The following LRP6 variants were observed in gnomAD, a reference collection of about 807,000 sequenced individuals.
The protein encoded by LRP6 is low-density lipoprotein receptor-related protein 6.
A neutral mutation model predicts 184.1 loss-of-function variants in LRP6; 43 were observed. The ratio of observed to expected loss-of-function variants is 0.23; its 90% CI spans 0.18 to 0.30. The LOEUF (loss-of-function observed/expected upper bound fraction) is 0.30. Among genes scored for constraint, LRP6 ranks in the 10% least tolerant of loss-of-function variants. The probability of loss-of-function intolerance (pLI) is 1.00; values close to 1 mark genes in which losing one functional copy is unlikely to be tolerated. For missense variants in LRP6, 1,571 were observed against 2,005.3 expected, an observed-to-expected ratio of 0.78 and a Z score of 4.14; for synonymous variants, 719 against 684.9, an observed-to-expected ratio of 1.05 and a Z score of -0.78.
At chr12:12,146,097 G>A (rs893027049) in intron 15 of LRP6, among the ~76,000 whole-genome samples, 1 of 152,038 alleles carries the variant, frequency 6.6e-6, no homozygotes, top group African/African-American at 2.4e-5. Flanking sequence ...TTATTCTTTT[G>A]AATGACTGTA....
chr12:12,194,274 A>G (rs1209359306), intron 3 of LRP6, among the ~76,000 whole-genome samples: 1 of 152,044 alleles, frequency 6.6e-6, no homozygotes, highest in Non-Finnish European at 1.5e-5. Context: ...TAAAAAATAA[A>G]GCCAATACAG....
At chr12:12,225,013 T>C (rs1426647992) in intron 2 of LRP6, among the ~76,000 whole-genome samples, 1 of 152,060 alleles carries the variant, frequency 6.6e-6, no homozygotes, top group African/African-American at 2.4e-5. Flanking sequence ...TAGACCAGCC[T>C]GACCAACATG....
intron 20 of LRP6, 54 bp downstream of exon 20, chr12:12,126,637 T>C (rs565790083): frequency 7.5e-7 from 1 of 1,337,642 alleles, no homozygotes; most frequent in East Asian, 2.3e-5. Context: ...CAATGGAAAC[T>C]GGCAGTCTTG....
intron 7 of LRP6, among the ~76,000 whole-genome samples, chr12:12,170,903 A>T (rs1169042906): frequency 1.3e-5 from 2 of 152,068 alleles, no homozygotes; most frequent in African/African-American, 4.8e-5. Flanking sequence ...ACACTAGCTA[A>T]GAGGTTAGTT....
At chr12:12,231,585 A>G (rs1864789638) in intron 2 of LRP6, among the ~76,000 whole-genome samples, 1 of 152,094 alleles carries the variant, frequency 6.6e-6, no homozygotes, top group Non-Finnish European at 1.5e-5. Context: ...TAAGGCAATG[A>G]TAACATTTGA....
chr12:12,189,186 C>T (rs899230028), intron 3 of LRP6, among the ~76,000 whole-genome samples: 1 of 152,140 alleles, frequency 6.6e-6, no homozygotes, highest in African/African-American at 2.4e-5. Context: ...CAGAGGTGAG[C>T]TTAAATCCCC....
chr12:12,140,396 G>A (rs541312938), intron 15 of LRP6, among the ~76,000 whole-genome samples: 1 of 151,944 alleles, frequency 6.6e-6, no homozygotes, highest in South Asian at 2.1e-4. Flanking sequence ...TAATAGGTGA[G>A]AAAAATACAG....
chr12:12,136,874 TTAAA>T (rs974253549), intron 16 of LRP6, among the ~76,000 whole-genome samples: 4 of 152,198 alleles, frequency 2.6e-5, no homozygotes, highest in South Asian at 2.1e-4. Flanking sequence ...ACAATCATAT[TTAAA>T]TAGTTATTAA....
Position 12,160,004 on chromosome 12 carries a change from T to C in LRP6, c.2280-40A>G, listed in dbSNP as rs150723483. 5.8e-4 allele frequency: 825 copies of C among 1,434,290 alleles called. 5 individuals carry two copies. In the African/African-American group the frequency reaches 9.2e-3, roughly 16 times the overall value. 88.8% of individuals were successfully genotyped at this position (1,434,290 alleles called of 1,614,324 possible). A position where few individuals can be genotyped will look rare whatever the true frequency, so the allele number is the denominator to read the frequency against. ...ATAAATATTTAACATTTCAATTTTT[T>C]ATTATCTGGGGGAAAGAGTCATATT... On this transcript the variant is annotated intron_variant, in intron 10 of 22. Coordinates refer to ENST00000261349, the MANE Select transcript of LRP6 (RefSeq NM_002336.3).
intron 1 of LRP6, among the ~76,000 whole-genome samples, chr12:12,246,793 G>C (rs1237144938): frequency 6.6e-6 from 1 of 152,022 alleles, no homozygotes; most frequent in Non-Finnish European, 1.5e-5. Flanking sequence ...TAGAAGTAAC[G>C]ATTCCCCTTT....
At chr12:12,203,089 C>T in intron 3 of LRP6, 114 bp downstream of exon 3, 1 of 691,792 alleles carries the variant, frequency 1.4e-6, no homozygotes, top group South Asian at 2.1e-5. Flanking sequence ...TATTCTTCTT[C>T]CCCTCTGGCA....
chr12:12,126,943 G>A (rs1259321833), intron 19 of LRP6, 22 bp from the exon 20 acceptor site: 2 of 1,581,574 alleles, frequency 1.3e-6, no homozygotes, highest in African/African-American at 1.3e-5. Flanking sequence ...AATGCAGTAT[G>A]GTTATTTAAT....
chr12:12,255,277 C>T (rs1015335846), intron 1 of LRP6, among the ~76,000 whole-genome samples: 3 of 151,854 alleles, frequency 2.0e-5, no homozygotes, highest in Admixed American at 1.3e-4. Flanking sequence ...AACTTCTTCC[C>T]TCATTCTGAC....
chr12:12,216,331 T>C (rs370038639), intron 2 of LRP6, among the ~76,000 whole-genome samples: 3 of 152,296 alleles, frequency 2.0e-5, no homozygotes, highest in South Asian at 2.1e-4. Context: ...TAATGCAACA[T>C]TGTTTTATAA....
intron 15 of LRP6, among the ~76,000 whole-genome samples, chr12:12,141,235 G>A (rs1247457833): frequency 6.6e-6 from 1 of 151,792 alleles, no homozygotes; most frequent in Non-Finnish European, 1.5e-5. Context: ...AAGGAAAGAA[G>A]GGAGGAATCA....
Position 12,181,185 on chromosome 12 carries a change from C to T in LRP6, c.1231G>A (p.Asp411Asn), listed in dbSNP as rs1863335588. 6.2e-7 allele frequency: 1 copy of T among 1,614,152 alleles called. No homozygotes were observed. Among genetic ancestry groups the T allele is most frequent in the Non-Finnish European group, 8.5e-7 (1 of 1,180,000 alleles). The stretch of plus-strand genomic sequence containing the variant: ...CAATAAAGATTTCGTGCAACCCAGT[C>T]CACAGCAATACCATCAGGATGGGCA... ...QIAHPDGIAV[D>N]WVARNLYWTD... is the part of the protein sequence containing the mutation. The change falls in exon 6 of 23, where the codon GAC becomes AAC. Residue 411 changes from aspartate (D) to asparagine (N), a missense_variant. By Grantham distance (23) the Asp-to-Asn change is conservative. This residue lies in a region of LRP6 where 640 missense variants were observed against 851.9 expected (regional missense o/e 0.75). Coordinates refer to ENST00000261349, the MANE Select transcript of LRP6 (RefSeq NM_002336.3).
intron 2 of LRP6, among the ~76,000 whole-genome samples, chr12:12,209,094 G>A (rs753071725): frequency 6.6e-6 from 1 of 152,228 alleles, no homozygotes; most frequent in Admixed American, 6.5e-5. Context: ...TGTGCAACAT[G>A]CATTACTTGA....
At chr12:12,135,852 T>G (rs1949830793) in intron 16 of LRP6, among the ~76,000 whole-genome samples, 1 of 152,120 alleles carries the variant, frequency 6.6e-6, no homozygotes, top group African/African-American at 2.4e-5. Flanking sequence ...TCATCTTAAT[T>G]TTTGTGAATA....
At chr12:12,150,740 A>G in intron 13 of LRP6, 96 bp downstream of exon 13, 6 of 1,286,140 alleles carry the variant, frequency 4.7e-6, no homozygotes, top group Non-Finnish European at 6.8e-6. Context: ...ACATACACAC[A>G]CACTTAAGCA....
Sources: gnomAD v4.1 joint callset for allele counts (sites outside exome capture counted in the v4.1 genomes callset) on GRCh38, gnomAD v4.1.1 for gene constraint, gnomAD v4.1.1 regional missense constraint, MANE v1.5 for transcripts, NCBI Gene and HGNC (gene_info 2026-07-23, HGNC 2026-07-21) for gene names.